CHTOP: variants seen among roughly 807,000 people sequenced by gnomAD.
The protein encoded by CHTOP is chromatin target of PRMT1, also known as chromatin target of PRMT1 protein.
CHTOP carries 18 observed loss-of-function variants against 33.6 expected under a neutral mutation model. The ratio of observed to expected loss-of-function variants is 0.54; its 90% CI spans 0.37 to 0.80. The LOEUF (loss-of-function observed/expected upper bound fraction) is 0.80. Among genes scored for constraint, CHTOP ranks in the 30% least tolerant of loss-of-function variants. The probability of loss-of-function intolerance (pLI) is 0.00; values close to 1 mark genes in which losing one functional copy is unlikely to be tolerated. For missense variants in CHTOP, 263 were observed against 336.8 expected (o/e 0.78, Z 1.71); for synonymous variants, 117 against 127.7 (o/e 0.92, Z 0.56).
rs1410277363 is a variant in CHTOP at position 153,645,831 on chromosome 1, T to G, written c.*562T>G. On this transcript the variant is annotated 3_prime_UTR_variant, in exon 6 of 6. Transcript: ENST00000368694. ...AGTAAACTGAGAACATTGACATCAC[T>G]ACAGGGCAGCATAAGAGGTTGCTTA... 1 of 155,294 alleles carries G rather than the reference T, an allele frequency of 6.4e-6. No individual in the cohort carries two copies. Among genetic ancestry groups the G allele is most frequent in the African/African-American group, 2.4e-5 (1 of 41,470 alleles). The allele number at this position is 155,294 out of a possible 1,614,324, so 9.6% of individuals were successfully genotyped here.
At chr1:153,635,706 C>G (rs1571312786) in intron 1 of CHTOP, among the ~76,000 whole-genome samples, 1 of 151,838 alleles carries the variant, frequency 6.6e-6, no homozygotes, top group East Asian at 1.9e-4. Context: ...GCCTGTAGTC[C>G]CAGCTACTCA....
At chr1:153,636,432 T>A in intron 1 of CHTOP, 140 bp from the exon 2 acceptor site, 1 of 536,840 alleles carries the variant, frequency 1.9e-6, no homozygotes, top group East Asian at 3.1e-5. Context: ...AAAAGAAATT[T>A]AAGCACTTGA....
Position 153,638,292 on chromosome 1 carries a change from A to C in CHTOP, c.66-3A>C. On this transcript the variant is annotated splice_region_variant and splice_polypyrimidine_tract_variant and intron_variant, in intron 2 of 5. Coordinates refer to ENST00000368694, the MANE Select transcript of CHTOP (RefSeq NM_015607.4). ...TAAACATCCATTTTGTTCGACCTTG[A>C]AGCTTTACTAATATGCTGAAGAACA... 6.2e-7 allele frequency: 1 copy of C among 1,613,748 alleles called. No individual in the cohort carries two copies. Among genetic ancestry groups the C allele is most frequent in the Non-Finnish European group, 8.5e-7 (1 of 1,179,658 alleles).
chr1:153,644,933 G>T (rs1433057255), intron 5 of CHTOP, 131 bp from the exon 6 acceptor site: 2 of 743,046 alleles, frequency 2.7e-6, no homozygotes, highest in Non-Finnish European at 4.3e-6. Context: ...TTTTTTTCCA[G>T]ATTTCTCCTC....
rs1668651523 is a variant in CHTOP, at chr1:153,642,260, C to T, written c.234C>T (p.Arg78=). 1.2e-6 allele frequency: 2 copies of T among 1,612,182 alleles called. No individual in the cohort carries two copies. The highest frequency in any genetic ancestry group is 1.7e-5 in the Admixed American group (1 of 59,786). Reference sequence around the variant, plus strand: ...TCTTCCAGAAGAGCTTAAAGCAGCGCCTGGGTAAGAGTAACATCCAGGCAC... The same window carrying T: ...TCTTCCAGAAGAGCTTAAAGCAGCGTCTGGGTAAGAGTAACATCCAGGCAC... The part of the protein sequence containing the change: ...ALKLKQSLKQ[R]LGKSNIQARL... Residue 78 remains arginine (R), a synonymous_variant, in exon 4 of 6, where the codon CGC becomes CGT. Transcript: ENST00000368694.
At chr1:153,640,063 C>G (rs915699456) in intron 3 of CHTOP, among the ~76,000 whole-genome samples, 1 of 152,150 alleles carries the variant, frequency 6.6e-6, no homozygotes, top group Non-Finnish European at 1.5e-5. Context: ...CATGAGCTAC[C>G]GTGCCCAGCC....
At chr1:153,636,088 A>ATTTTT (rs71093280) in intron 1 of CHTOP, among the ~76,000 whole-genome samples, 6 of 138,692 alleles carry the variant, frequency 4.3e-5, no homozygotes, top group Non-Finnish European at 6.2e-5. Flanking sequence ...TGCACCGCTA[A>ATTTTT]TTTTTTTTTT....
At position 153,638,171 on chromosome 1, in the gene CHTOP, A is replaced by G. The variant is rs1334557807; in HGVS notation, c.66-124A>G. 3.3e-6 allele frequency: 3 copies of G among 902,592 alleles called. No homozygotes were observed. The African/African-American group carries it at 5.0e-5, about 15-fold the overall frequency. 55.9% of individuals were successfully genotyped at this position (902,592 alleles called of 1,614,324 possible). A position where few individuals can be genotyped will look rare whatever the true frequency, so the allele number is the denominator to read the frequency against. On this transcript the variant is annotated intron_variant, in intron 2 of 5. Transcript: ENST00000368694. ...CTTTAACCCACATCAGCCTTGATCT[A>G]AGTGTACCACTTTACTTAAAAGTTC...
Position 153,643,267 on chromosome 1 carries a change from A to T in CHTOP, c.444A>T (p.Arg148=). 2 of 1,614,064 alleles carry T rather than the reference A, an allele frequency of 1.2e-6. No homozygotes were observed. The highest frequency in any genetic ancestry group is 1.7e-6 in the Non-Finnish European group (2 of 1,180,008). The change falls in exon 5 of 6, where the codon CGA becomes CGT. Residue 148 remains arginine, a synonymous_variant. Transcript: ENST00000368694. Reference sequence around the variant, plus strand: ...GAGGTGGACGAGCCGTAGCTCCCCGAATGGGCTTAAGAAGAGGTGGTGTTC... The same window carrying T: ...GAGGTGGACGAGCCGTAGCTCCCCGTATGGGCTTAAGAAGAGGTGGTGTTC... ...LLRGGRAVAP[R]MGLRRGGVRG...
At chr1:153,641,555 C>G (rs975500608) in intron 3 of CHTOP, among the ~76,000 whole-genome samples, 1 of 152,000 alleles carries the variant, frequency 6.6e-6, no homozygotes, top group African/African-American at 2.4e-5. Context: ...AATTTAAGGT[C>G]ATCATTGTTT....
In CHTOP at chr1:153,636,929, G is replaced by A. The variant is rs911339710; in HGVS notation, c.65+276G>A. On this transcript the variant is annotated intron_variant, in intron 2 of 5. Coordinates refer to ENST00000368694, the MANE Select transcript of CHTOP (RefSeq NM_015607.4). Reference sequence around the variant, plus strand: ...ACTCTTCCTTTTCACATTTTTTTACGTTGATACTGGGGTCGTGCAGCACGG... The same window carrying A: ...ACTCTTCCTTTTCACATTTTTTTACATTGATACTGGGGTCGTGCAGCACGG... 3.3e-5 allele frequency: 12 copies of A among 367,520 alleles called. No homozygotes were observed. In the East Asian group the frequency reaches 4.3e-4, roughly 13 times the overall value. 22.8% of individuals were successfully genotyped at this position (367,520 alleles called of 1,614,324 possible). A position where few individuals can be genotyped will look rare whatever the true frequency, so the allele number is the denominator to read the frequency against.
At chr1:153,635,855 T>G (rs1668366715) in intron 1 of CHTOP, among the ~76,000 whole-genome samples, 1 of 151,904 alleles carries the variant, frequency 6.6e-6, no homozygotes, top group Admixed American at 6.6e-5. Flanking sequence ...CATACTTTGA[T>G]TGCTAGATTG....
intron 3 of CHTOP, chr1:153,639,479 T>A: frequency 4.0e-6 from 3 of 743,990 alleles, no homozygotes; most frequent in Non-Finnish European, 4.9e-6. Flanking sequence ...ATTGCATGGC[T>A]ATGCATAAAT....
intron 4 of CHTOP, chr1:153,642,859 CA>C: frequency 3.8e-6 from 1 of 265,924 alleles, no homozygotes; most frequent in Non-Finnish European, 7.2e-6. Flanking sequence ...TCATTTGGGG[CA>C]CTATTACTCT....
chr1:153,643,390 GT>G (rs1269590034), intron 5 of CHTOP, 26 bp downstream of exon 5: 2 of 1,497,458 alleles, frequency 1.3e-6, no homozygotes, highest in East Asian at 2.4e-5. Flanking sequence ...ACTTCAGAGA[GT>G]AGCTCCCCCT....
chr1:153,639,987 TG>T (rs1439040416), intron 3 of CHTOP, among the ~76,000 whole-genome samples: 1 of 152,098 alleles, frequency 6.6e-6, no homozygotes, highest in Non-Finnish European at 1.5e-5. Context: ...TTGGCCAGAC[TG>T]GTCTTGAACT....
chr1:153,642,588 T>C (rs868850815), intron 4 of CHTOP, 159 bp downstream of exon 4: 1 of 537,166 alleles, frequency 1.9e-6, no homozygotes, highest in Non-Finnish European at 3.1e-6. Context: ...ATGTCTTTTA[T>C]CAATACCATT....
At chr1:153,640,169 T>C (rs1331874346) in intron 3 of CHTOP, among the ~76,000 whole-genome samples, 1 of 152,196 alleles carries the variant, frequency 6.6e-6, no homozygotes, top group Non-Finnish European at 1.5e-5. Context: ...ATGTGACTAG[T>C]GCAATTAAGG....
chr1:153,642,458 G>GGGCCCTACTCCCTTCCCTTTTCT, intron 4 of CHTOP, 29 bp downstream of exon 4: 1 of 1,557,736 alleles, frequency 6.4e-7, no homozygotes, highest in East Asian at 2.3e-5. Context: ...GATAATTGTC[G>GGGCCCTACTCCCTTCCCTTTTCT]GGCCCTACTC....
Sources: allele counts gnomAD v4.1 joint callset (sites outside exome capture counted in the v4.1 genomes callset), GRCh38; gene constraint gnomAD v4.1.1; transcripts MANE v1.5; gene names NCBI Gene and HGNC (gene_info 2026-07-23, HGNC 2026-07-21).